FRMD4A: variants seen among roughly 807,000 people sequenced by gnomAD.
FRMD4A encodes FERM domain containing 4A.
Under a neutral mutation model 129.1 loss-of-function variants are expected in FRMD4A, and 29 were observed. The observed-to-expected ratio is 0.22, with a 90% CI of 0.17 to 0.31. FRMD4A has a LOEUF of 0.31. FRMD4A is among the 10% of genes least tolerant of loss of function. FRMD4A has a pLI of 1.00. For synonymous variants in FRMD4A, 634 were observed against 571.6 expected (o/e 1.11, Z -1.56); for missense variants, 1,272 against 1,375.8 (o/e 0.92, Z 1.19).
At chr10:14,167,696 C>A (rs139092871) in intron 2 of FRMD4A, among the ~76,000 whole-genome samples, 1 of 152,048 alleles carries the variant, frequency 6.6e-6, no homozygotes, top group Non-Finnish European at 1.5e-5. Context: ...GTGATGGACA[C>A]CTAGCCCCAT....
rs747792938 is a variant in FRMD4A, at chr10:13,675,022, C to A, written c.1140G>T (p.Ser380=). 3.7e-6 allele frequency: 6 copies of A among 1,613,346 alleles called. No homozygotes were observed. In the African/African-American group the frequency reaches 8.0e-5, roughly 22 times the overall value. The change falls in exon 16 of 25, where the codon TCG becomes TCT. Residue 380 remains serine, a synonymous_variant. Coordinates refer to ENST00000357447, the MANE Select transcript of FRMD4A (RefSeq NM_018027.5). ...CCAGCATGTCCTTCTTGGCCGACTGCGAGCTATCTGATTCCTGAGAACCTG... is the reference window on the plus strand; with the variant it reads ...CCAGCATGTCCTTCTTGGCCGACTGAGAGCTATCTGATTCCTGAGAACCTG... ...LSSGSQESDS[S]QSAKKDMLAA...
At chr10:13,782,644 A>C (rs1185104717) in intron 6 of FRMD4A, among the ~76,000 whole-genome samples, 1 of 152,040 alleles carries the variant, frequency 6.6e-6, no homozygotes, top group African/African-American at 2.4e-5. Context: ...GGGTTTCACC[A>C]CGTTGGCCAG....
chr10:13,656,571 C>A (rs1163646835), intron 22 of FRMD4A, 65 bp downstream of exon 22: 8 of 1,325,486 alleles, frequency 6.0e-6, no homozygotes, highest in African/African-American at 1.5e-5. Flanking sequence ...CCCGCGGTAG[C>A]CCTTGACACC....
intron 2 of FRMD4A, among the ~76,000 whole-genome samples, chr10:14,105,202 G>A (rs1837524705): frequency 1.3e-5 from 2 of 152,090 alleles, no homozygotes; most frequent in Non-Finnish European, 2.9e-5. Context: ...TTTTCTTCAG[G>A]CCTCCTGACA....
At chr10:14,103,115 C>T (rs1037593194) in intron 2 of FRMD4A, among the ~76,000 whole-genome samples, 10 of 152,166 alleles carry the variant, frequency 6.6e-5, no homozygotes, top group African/African-American at 2.2e-4. Flanking sequence ...GAAGCCTCTC[C>T]GTCACATAGG....
At chr10:13,850,212 A>G (rs1049079283) in intron 3 of FRMD4A, among the ~76,000 whole-genome samples, 16 of 152,198 alleles carry the variant, frequency 1.1e-4, no homozygotes, top group African/African-American at 3.9e-4. Flanking sequence ...CCATCTCAAA[A>G]AAAAAGAGAA....
At chr10:13,977,492 A>T (rs1436351068) in intron 2 of FRMD4A, among the ~76,000 whole-genome samples, 1 of 152,188 alleles carries the variant, frequency 6.6e-6, no homozygotes, top group Non-Finnish European at 1.5e-5. Flanking sequence ...ACGTAAAAAT[A>T]CCTTATTGAG....
chr10:14,184,376 G>T (rs1251942845), intron 2 of FRMD4A, among the ~76,000 whole-genome samples: 1 of 147,010 alleles, frequency 6.8e-6, no homozygotes. Context: ...CCAAAGTGCT[G>T]GGATGGATTA....
chr10:13,864,006 CTCTT>C (rs1214997150), intron 2 of FRMD4A, among the ~76,000 whole-genome samples: 2 of 152,060 alleles, frequency 1.3e-5, no homozygotes, highest in Non-Finnish European at 2.9e-5. Context: ...CTCTCTCTCT[CTCTT>C]TGTGAGATGG....
intron 3 of FRMD4A, among the ~76,000 whole-genome samples, chr10:13,831,217 C>T (rs1360052178): frequency 3.3e-5 from 5 of 152,236 alleles, no homozygotes; most frequent in Non-Finnish European, 7.3e-5. Flanking sequence ...CGCAATGCCT[C>T]TGACCTTCTT....
intron 15 of FRMD4A, among the ~76,000 whole-genome samples, chr10:13,679,811 T>C (rs2084374640): frequency 6.6e-6 from 1 of 152,114 alleles, no homozygotes; most frequent in East Asian, 1.9e-4. Context: ...TGCGGGCTGC[T>C]ACCTGCAACT....
intron 2 of FRMD4A, among the ~76,000 whole-genome samples, chr10:14,205,514 T>A (rs1842755792): frequency 6.6e-6 from 1 of 152,070 alleles, no homozygotes; most frequent in Admixed American, 6.6e-5. Context: ...TCAGGTTATG[T>A]AGAAATTATG....
intron 2 of FRMD4A, among the ~76,000 whole-genome samples, chr10:13,877,841 C>T (rs1025293757): frequency 1.2e-4 from 18 of 152,256 alleles, no homozygotes; most frequent in African/African-American, 1.2e-4. Context: ...TGCCCCTGGG[C>T]GCCTGGTCCA....
At chr10:13,654,570 A>G (rs10906442) in intron 22 of FRMD4A, 58 bp from the exon 23 acceptor site, 558,906 of 1,133,930 alleles carry the variant, frequency 0.49, 143,647 homozygotes, top group African/African-American at 0.79. Flanking sequence ...CACAGGTGAA[A>G]GAGCTTGCGA....
intron 2 of FRMD4A, among the ~76,000 whole-genome samples, chr10:14,154,181 T>C (rs891393875): frequency 6.6e-6 from 1 of 152,118 alleles, no homozygotes; most frequent in Admixed American, 6.5e-5. Flanking sequence ...GGTATGGATT[T>C]TGAAAACCCG....
intron 2 of FRMD4A, among the ~76,000 whole-genome samples, chr10:14,064,754 T>C (rs1834976865): frequency 6.6e-6 from 1 of 152,056 alleles, no homozygotes; most frequent in Non-Finnish European, 1.5e-5. Flanking sequence ...TTGTTTGTAT[T>C]TTTAGTAGAG....
intron 2 of FRMD4A, among the ~76,000 whole-genome samples, chr10:14,255,905 C>T (rs1448221274): frequency 2.0e-5 from 3 of 151,124 alleles, no homozygotes; most frequent in Non-Finnish European, 4.4e-5. Flanking sequence ...ACTCAGGAGG[C>T]TGAGGCACAA....
At chr10:14,170,327 G>T (rs1186528434) in intron 2 of FRMD4A, among the ~76,000 whole-genome samples, 2 of 152,090 alleles carry the variant, frequency 1.3e-5, no homozygotes, top group African/African-American at 2.4e-5. Context: ...CATGATTCCT[G>T]GGCTAATTTC....
intron 2 of FRMD4A, among the ~76,000 whole-genome samples, chr10:14,225,877 G>A (rs895826669): frequency 6.6e-6 from 1 of 152,184 alleles, no homozygotes; most frequent in East Asian, 1.9e-4. Flanking sequence ...TTTTGTATGA[G>A]TCAGAATCTC....
Sources: allele counts gnomAD v4.1 joint callset (sites outside exome capture counted in the v4.1 genomes callset), GRCh38; gene constraint gnomAD v4.1.1; transcripts MANE v1.5; gene names NCBI Gene and HGNC (gene_info 2026-07-23, HGNC 2026-07-21).